Variants in LSM1 observed in about 807,000 individuals in gnomAD.
The protein encoded by LSM1 is LSM1 homolog, mRNA degradation associated.
LSM1 carries 13 observed loss-of-function variants against 18.0 expected under a neutral mutation model. The observed-to-expected ratio is 0.72, with a 90% CI of 0.47 to 1.15. The LOEUF (loss-of-function observed/expected upper bound fraction) is 1.15. Among genes scored for constraint, LSM1 ranks in the 50% most tolerant of loss-of-function variants. The pLI, the probability that LSM1 is intolerant of heterozygous loss-of-function variation, is 0.00. For synonymous variants in LSM1, 46 were observed against 56.0 expected, an observed-to-expected ratio of 0.82 and a Z score of 0.80; for missense variants, 152 against 157.7, an observed-to-expected ratio of 0.96 and a Z score of 0.19.
intron 1 of LSM1, among the ~76,000 whole-genome samples, chr8:38,173,317 A>T (rs1392769071): frequency 6.6e-6 from 1 of 151,388 alleles, no homozygotes; most frequent in Non-Finnish European, 1.5e-5. Context: ...AGGAGGTATC[A>T]GAGTTGGACC....
chr8:38,163,901 C>G (rs1197248523), intron 3 of LSM1, 61 bp from the exon 4 acceptor site: 2 of 1,408,584 alleles, frequency 1.4e-6, no homozygotes, highest in Non-Finnish European at 1.0e-6. Context: ...GCACAGATCT[C>G]AAGGCAAATG....
chr8:38,165,178 C>T (rs577908682), intron 3 of LSM1, among the ~76,000 whole-genome samples: 9 of 150,204 alleles, frequency 6.0e-5, no homozygotes, highest in Non-Finnish European at 1.3e-4. Context: ...GCAAAACCCC[C>T]GTCTCTACTA....
chr8:38,175,318 T>G (rs1803110708), intron 1 of LSM1, among the ~76,000 whole-genome samples: 1 of 152,036 alleles, frequency 6.6e-6, no homozygotes, highest in Non-Finnish European at 1.5e-5. Flanking sequence ...TCTGCCCGCC[T>G]CGGCCCCCCA....
upstream of LSM1, chr8:38,176,524 G>T (rs1375879207): frequency 5.2e-6 from 3 of 579,382 alleles, no homozygotes; most frequent in South Asian, 4.6e-5. Context: ...ACACGTGTGG[G>T]CCCCCAGGAA....
chr8:38,171,425 A>C (rs1363747255), intron 2 of LSM1, among the ~76,000 whole-genome samples: 1 of 152,176 alleles, frequency 6.6e-6, no homozygotes, highest in East Asian at 1.9e-4. Flanking sequence ...ACAACTGCCC[A>C]GCTCAGCTGG....
rs891665850 is a variant in LSM1, at chr8:38,176,487, C to T, written c.-167G>A. ...CCGCCGGGGGCTGCCGGAAGCTCCTCCATATTACCCTTACCCACTTCCTGT... is the reference window on the plus strand; with the variant it reads ...CCGCCGGGGGCTGCCGGAAGCTCCTTCATATTACCCTTACCCACTTCCTGT... On this transcript the variant is annotated 5_prime_UTR_variant, in exon 1 of 4. Coordinates refer to ENST00000311351, the MANE Select transcript of LSM1 (RefSeq NM_014462.3). 3.3e-6 allele frequency: 2 copies of T among 614,186 alleles called. No homozygotes were observed. Among genetic ancestry groups the T allele is most frequent in the South Asian group, 2.0e-5 (1 of 50,512 alleles). 38.0% of individuals were successfully genotyped at this position (614,186 alleles called of 1,614,324 possible).
In LSM1 at chr8:38,176,448, G is replaced by GC. The variant is rs1224150315; in HGVS notation, c.-129dup. 4.1e-4 allele frequency: 301 copies of GC among 735,026 alleles called. 3 individuals carry two copies. Among genetic ancestry groups the GC allele is most frequent in the Non-Finnish European group, 5.6e-4 (248 of 442,802 alleles). 45.5% of individuals were successfully genotyped at this position (735,026 alleles called of 1,614,324 possible). A position where few individuals can be genotyped will look rare whatever the true frequency, so the allele number is the denominator to read the frequency against. ...AATCCCGACCGAGACCAGCACTTCT[G>GC]CCCCGGCTTTCAGCCGCCGGGGGCT... On this transcript the variant is annotated 5_prime_UTR_variant, in exon 1 of 4. Transcript: ENST00000311351.
At chr8:38,169,689 G>C in intron 3 of LSM1, 113 bp downstream of exon 3, 1 of 622,810 alleles carries the variant, frequency 1.6e-6, no homozygotes, top group South Asian at 2.3e-5. Flanking sequence ...TAGTTGCCTA[G>C]GAGAAGCCAG....
intron 3 of LSM1, among the ~76,000 whole-genome samples, chr8:38,164,257 G>A (rs527322742): frequency 6.6e-5 from 10 of 152,208 alleles, no homozygotes; most frequent in East Asian, 1.9e-4. Flanking sequence ...GTTTCACCAC[G>A]TTGGTCAGGC....
At position 38,165,213 on chromosome 8, in the gene LSM1, C is replaced by T. The variant is rs11785571; in HGVS notation, c.232-1373G>A. ...AAAAATACAAAAAAAATTAGCTGGGCGTGGTGGCAGGTGCCTGTAATCCCA... is the reference window on the plus strand; with the variant it reads ...AAAAATACAAAAAAAATTAGCTGGGTGTGGTGGCAGGTGCCTGTAATCCCA... On this transcript the variant is annotated intron_variant, in intron 3 of 3. Transcript: ENST00000311351. Among the ~76,000 whole-genome samples, 840 of 152,078 alleles carry T rather than the reference C, an allele frequency of 5.5e-3. 1 individual carries two copies. Among genetic ancestry groups the T allele is most frequent in the Non-Finnish European group, 8.0e-3 (546 of 67,984 alleles).
intron 3 of LSM1, among the ~76,000 whole-genome samples, chr8:38,167,116 T>C (rs182947110): frequency 6.6e-6 from 1 of 152,322 alleles, no homozygotes; most frequent in Admixed American, 6.5e-5. Context: ...GTTTCTGTAG[T>C]GGTACCCCTG....
intron 1 of LSM1, among the ~76,000 whole-genome samples, chr8:38,175,274 G>T (rs1237708388): frequency 1.3e-5 from 2 of 151,796 alleles, no homozygotes; most frequent in Non-Finnish European, 1.5e-5. Flanking sequence ...CACCATGTTG[G>T]CTAGGCTGGT....
chr8:38,163,639 C>T lies in LSM1; in HGVS notation c.*31G>A, dbSNP rs1175109675. On this transcript the variant is annotated 3_prime_UTR_variant, in exon 4 of 4. Coordinates refer to ENST00000311351, the MANE Select transcript of LSM1 (RefSeq NM_014462.3). ...CTTTCACTCAGTGACAGCCCCTACT[C>T]TTCAAGAGCCAACAGCCTCTGGGCA... The T allele has an allele frequency of 1.2e-6, 2 of 1,609,714 alleles. No homozygotes were observed. Among genetic ancestry groups the T allele is most frequent in the Non-Finnish European group, 8.5e-7 (1 of 1,176,876 alleles).
rs1417811655 is a variant in LSM1, at chr8:38,176,248, T to C, written c.46+27A>G. 3.1e-6 allele frequency: 5 copies of C among 1,609,218 alleles called. No individual in the cohort carries two copies. The East Asian group carries it at 6.7e-5, about 22-fold the overall frequency. ...CGGGAGGAAGGGTCTAACCCCGGGCTCCACCGGGAGGAGATAAACTACTCA... is the reference window on the plus strand; with the variant it reads ...CGGGAGGAAGGGTCTAACCCCGGGCCCCACCGGGAGGAGATAAACTACTCA... On this transcript the variant is annotated intron_variant, in intron 1 of 3. Coordinates refer to ENST00000311351, the MANE Select transcript of LSM1 (RefSeq NM_014462.3).
At chr8:38,176,528 C>T (rs1227480765), upstream of LSM1, 8 of 579,282 alleles carry the variant, frequency 1.4e-5, no homozygotes, top group Non-Finnish European at 2.4e-5. Context: ...GTGTGGGCCC[C>T]CAGGAAGAGG....
chr8:38,176,441 C>A lies in LSM1; in HGVS notation c.-121G>T, dbSNP rs1449834619. On this transcript the variant is annotated 5_prime_UTR_variant, in exon 1 of 4. Coordinates refer to ENST00000311351, the MANE Select transcript of LSM1 (RefSeq NM_014462.3). ...AGCCCGGAATCCCGACCGAGACCAG[C>A]ACTTCTGCCCCGGCTTTCAGCCGCC... 5 of 759,164 alleles carry A rather than the reference C, an allele frequency of 6.6e-6. No homozygotes were observed. Among genetic ancestry groups the A allele is most frequent in the Non-Finnish European group, 1.1e-5 (5 of 461,470 alleles). The allele number at this position is 759,164 out of a possible 1,614,324, so 47.0% of individuals were successfully genotyped here. A position where few individuals can be genotyped will look rare whatever the true frequency, so the allele number is the denominator to read the frequency against.
At chr8:38,171,043 CT>C in intron 2 of LSM1, 1 of 422,770 alleles carries the variant, frequency 2.4e-6, no homozygotes, top group Non-Finnish European at 4.8e-6. Context: ...AATCTTTTAA[CT>C]TAAGAAAAAT....
At chr8:38,169,961 A>C (rs1382015730) in intron 2 of LSM1, 44 bp from the exon 3 acceptor site, 2 of 985,596 alleles carry the variant, frequency 2.0e-6, no homozygotes, top group African/African-American at 3.2e-5. Flanking sequence ...AGTTTAAACT[A>C]CTGGGTAAAG....
At chr8:38,171,785 A>G (rs367749579) in intron 2 of LSM1, among the ~76,000 whole-genome samples, 180 bp downstream of exon 2, 6 of 152,254 alleles carry the variant, frequency 3.9e-5, no homozygotes, top group East Asian at 3.8e-4. Context: ...GGAAATATAT[A>G]TAAGCTTTGA....
Sources: allele counts gnomAD v4.1 joint callset (sites outside exome capture counted in the v4.1 genomes callset), GRCh38; gene constraint gnomAD v4.1.1; transcripts MANE v1.5; gene names NCBI Gene and HGNC (gene_info 2026-07-23, HGNC 2026-07-21).